ST3GAL3: variants seen among roughly 807,000 people sequenced by gnomAD.
ST3GAL3 encodes ST3 beta-galactoside alpha-2,3-sialyltransferase 3, also known as CMP-N-acetylneuraminate-beta-1,4-galactoside alpha-2,3-sialyltransferase.
Under a neutral mutation model 50.1 loss-of-function variants are expected in ST3GAL3, and 21 were observed. The observed-to-expected ratio is 0.42, with a 90% CI of 0.30 to 0.60. The LOEUF is 0.60. Among genes scored for constraint, ST3GAL3 ranks in the 20% least tolerant of loss-of-function variants. ST3GAL3 has a pLI of 0.19. For missense variants in ST3GAL3, 353 were observed against 489.4 expected (o/e 0.72, Z 2.63); for synonymous variants, 183 against 190.0 (o/e 0.96, Z 0.30).
intron 5 of ST3GAL3, among the ~76,000 whole-genome samples, chr1:43,869,201 T>C (rs1310410300): frequency 6.6e-6 from 1 of 152,216 alleles, no homozygotes; most frequent in African/African-American, 2.4e-5. Flanking sequence ...CATTTCAAGA[T>C]ACTCATCAGT....
intron 5 of ST3GAL3, among the ~76,000 whole-genome samples, chr1:43,862,884 C>G (rs1211712895): frequency 1.3e-5 from 2 of 152,122 alleles, no homozygotes; most frequent in Non-Finnish European, 2.9e-5. Flanking sequence ...CTACTGCACT[C>G]CAGCCTGGGT....
intron 1 of ST3GAL3, among the ~76,000 whole-genome samples, chr1:43,714,598 C>A (rs946067359): frequency 1.1e-4 from 17 of 152,142 alleles, no homozygotes; most frequent in African/African-American, 3.6e-4. Context: ...GAGCAAGACT[C>A]CATCTCCAAA....
chr1:43,786,706 A>G (rs2057383652), intron 2 of ST3GAL3, among the ~76,000 whole-genome samples: 2 of 152,148 alleles, frequency 1.3e-5, no homozygotes, highest in African/African-American at 4.8e-5. Context: ...GAATAAGAAC[A>G]TTTTTGTTCT....
chr1:43,805,956 T>G (rs1014122408), intron 3 of ST3GAL3, among the ~76,000 whole-genome samples: 4 of 152,122 alleles, frequency 2.6e-5, no homozygotes, highest in Non-Finnish European at 5.9e-5. Flanking sequence ...GGCTGGTCTT[T>G]AACTCCTGAC....
At chr1:43,780,780 T>G (rs78552710) in intron 2 of ST3GAL3, among the ~76,000 whole-genome samples, 1 of 152,152 alleles carries the variant, frequency 6.6e-6, no homozygotes, top group Middle Eastern at 3.2e-3. Flanking sequence ...ACGAATAACA[T>G]TTCTTCTCTC....
chr1:43,720,580 G>A (rs1669933793), intron 1 of ST3GAL3: 1 of 152,180 alleles, frequency 6.6e-6, no homozygotes, highest in African/African-American at 2.4e-5. Context: ...GTGAGGGAGA[G>A]AGAGAAAGAG....
intron 2 of ST3GAL3, among the ~76,000 whole-genome samples, chr1:43,748,207 T>C (rs1037501548): frequency 2.6e-5 from 4 of 151,802 alleles, no homozygotes; most frequent in Non-Finnish European, 4.4e-5. Context: ...AGCACACAAA[T>C]AGAAAATAAG....
rs543172085 is a variant in ST3GAL3, at chr1:43,760,755, CA to C, written c.118+24387del. On this transcript the variant is annotated intron_variant, in intron 2 of 11. Transcript: ENST00000347631. ...TGGGTGACACAGCAAGGCTCCGTCT[CA>C]AAAAAAAAAAATGTTGATAGCACTA... is the stretch of plus-strand genomic sequence containing the variant. Among the ~76,000 whole-genome samples the C allele has an allele frequency of 5.7e-3, 753 of 131,550 alleles. 10 individuals carry two copies. Among genetic ancestry groups the C allele is most frequent in the South Asian group, 0.028 (118 of 4,236 alleles). 86.3% of individuals were successfully genotyped at this position (131,550 alleles called of 152,430 possible). A position where few individuals can be genotyped will look rare whatever the true frequency, so the allele number is the denominator to read the frequency against.
chr1:43,782,940 A>G (rs1435042821), intron 2 of ST3GAL3, among the ~76,000 whole-genome samples: 1 of 152,214 alleles, frequency 6.6e-6, no homozygotes, highest in African/African-American at 2.4e-5. Flanking sequence ...TTAATATTTA[A>G]TTACAGGATG....
At chr1:43,908,353 T>G (rs2080176586) in intron 9 of ST3GAL3, among the ~76,000 whole-genome samples, 1 of 152,160 alleles carries the variant, frequency 6.6e-6, no homozygotes, top group Non-Finnish European at 1.5e-5. Context: ...GGATCCCCAT[T>G]TCCTAGATGC....
At chr1:43,751,936 A>C (rs928773802) in intron 2 of ST3GAL3, among the ~76,000 whole-genome samples, 4 of 151,526 alleles carry the variant, frequency 2.6e-5, no homozygotes, top group Non-Finnish European at 5.9e-5. Context: ...CTCCTGTCTC[A>C]GTTTCCTCAG....
intron 1 of ST3GAL3, among the ~76,000 whole-genome samples, chr1:43,731,604 A>G (rs2154084781): frequency 1.4e-5 from 2 of 141,452 alleles, no homozygotes; most frequent in Middle Eastern, 7.8e-3. Context: ...TCACTGTGTT[A>G]GCCAGGATGG....
At chr1:43,771,498 C>T (rs1695161352) in intron 2 of ST3GAL3, among the ~76,000 whole-genome samples, 1 of 152,106 alleles carries the variant, frequency 6.6e-6, no homozygotes, top group African/African-American at 2.4e-5. Flanking sequence ...GCTGGGACTA[C>T]AGGCGCCTGC....
At chr1:43,769,251 A>G (rs1182098569) in intron 2 of ST3GAL3, among the ~76,000 whole-genome samples, 3 of 152,246 alleles carry the variant, frequency 2.0e-5, no homozygotes, top group African/African-American at 7.2e-5. Flanking sequence ...ACTAGCAGAG[A>G]GCTTTCATCT....
intron 5 of ST3GAL3, among the ~76,000 whole-genome samples, chr1:43,847,848 T>C (rs2066510785): frequency 6.6e-6 from 1 of 152,224 alleles, no homozygotes; most frequent in African/African-American, 2.4e-5. Flanking sequence ...AATTCTTTTA[T>C]ATTTACTCAC....
chr1:43,791,568 G>T (rs948522161), intron 2 of ST3GAL3, among the ~76,000 whole-genome samples: 9 of 152,222 alleles, frequency 5.9e-5, no homozygotes, highest in Admixed American at 5.9e-4. Context: ...TGCATTTTGT[G>T]CACTAACATT....
intron 5 of ST3GAL3, among the ~76,000 whole-genome samples, chr1:43,886,460 A>G (rs954190135): frequency 6.6e-6 from 1 of 152,242 alleles, no homozygotes; most frequent in Non-Finnish European, 1.5e-5. Flanking sequence ...CATTATATGT[A>G]TCACAACATC....
intron 5 of ST3GAL3, among the ~76,000 whole-genome samples, chr1:43,881,303 G>A (rs924085956): frequency 1.1e-4 from 16 of 152,374 alleles, no homozygotes; most frequent in East Asian, 9.6e-4. Context: ...GAGCCACCAC[G>A]CCCAGCCTCT....
chr1:43,853,100 A>G (rs1302393548), intron 5 of ST3GAL3, among the ~76,000 whole-genome samples: 1 of 152,218 alleles, frequency 6.6e-6, no homozygotes, highest in Admixed American at 6.5e-5. Context: ...ATACATTTGA[A>G]TGGCTTTTTG....
Sources: gnomAD v4.1 joint callset for allele counts (sites outside exome capture counted in the v4.1 genomes callset) on GRCh38, gnomAD v4.1.1 for gene constraint, MANE v1.5 for transcripts, NCBI Gene and HGNC (gene_info 2026-07-23, HGNC 2026-07-21) for gene names.